Variants in NOM1 observed in about 807,000 individuals in gnomAD.
NOM1 encodes the protein nucleolar protein with MIF4G domain 1, also known as nucleolar MIF4G domain-containing protein 1.
NOM1 carries 58 observed loss-of-function variants against 73.3 expected under a neutral mutation model. The ratio of observed to expected loss-of-function variants is 0.79; its 90% CI spans 0.64 to 0.99. NOM1 has a LOEUF of 0.99. Ranked by LOEUF, NOM1 falls within the 50% of genes least tolerant of loss-of-function variation. The pLI is 0.00. For missense variants in NOM1, 1,226 were observed against 1,131.9 expected (o/e 1.08, Z -1.19); for synonymous variants, 487 against 446.8 (o/e 1.09, Z -1.14).
rs147540631 is a variant in NOM1, at chr7:156,953,456, C to T, written c.1113-647C>T. 3.1e-3 allele frequency among the ~76,000 whole-genome samples: 475 copies of T among 152,272 alleles called. 1 individual carries two copies. The highest frequency in any genetic ancestry group is 9.6e-3 in the African/African-American group (398 of 41,538). On this transcript the variant is annotated intron_variant, in intron 2 of 10. Transcript: ENST00000275820. The stretch of plus-strand genomic sequence containing the variant: ...TCTGTAGTTTTATCACATGAAGATT[C>T]GAGTCACCACCGCTGCAATTGAGAT...
chr7:156,957,342 G>A (rs899340793), intron 3 of NOM1, among the ~76,000 whole-genome samples: 4 of 152,116 alleles, frequency 2.6e-5, no homozygotes, highest in Admixed American at 6.5e-5. Context: ...CAGAGTTAAC[G>A]TACAGGATGT....
chr7:156,967,196 C>G, intron 9 of NOM1, 104 bp downstream of exon 9: 1 of 1,329,052 alleles, frequency 7.5e-7, no homozygotes, highest in Non-Finnish European at 1.0e-6. Context: ...TTCTTCGATT[C>G]TGATTCATCT....
At chr7:156,966,177 C>A in intron 7 of NOM1, 93 bp from the exon 8 acceptor site, 4 of 1,524,718 alleles carry the variant, frequency 2.6e-6, no homozygotes, top group Middle Eastern at 3.4e-4. Context: ...CTAACCAGAC[C>A]CTTCCAGGCG....
intron 7 of NOM1, among the ~76,000 whole-genome samples, chr7:156,965,331 G>A (rs189536185): frequency 6.6e-6 from 1 of 152,352 alleles, no homozygotes; most frequent in East Asian, 1.9e-4. Flanking sequence ...TTGGCATCAC[G>A]AGGGGCAAAC....
Position 156,969,608 on chromosome 7 carries a change from C to G in NOM1, c.2488C>G (p.Gln830Glu). ...CAGCCACTTCTTGCTAAAGAACGCA[C>G]AGGCCCACAGAAGCGCCGACGAAGC... ...FISHFLLKNA[Q>E]AHRSADEANV... is the part of the protein sequence containing the mutation. Residue 830 changes from glutamine (Q) to glutamate (E), a missense_variant, in exon 11 of 11, where the codon CAG (glutamine) becomes GAG (glutamate). By Grantham distance (29) the Gln-to-Glu change is conservative (BLOSUM62 2). Coordinates refer to ENST00000275820, the MANE Select transcript of NOM1 (RefSeq NM_138400.2). 1 of 1,614,082 alleles carries G rather than the reference C, an allele frequency of 6.2e-7. No homozygotes were observed. Among genetic ancestry groups the G allele is most frequent in the Non-Finnish European group, 8.5e-7 (1 of 1,179,978 alleles).
Position 156,960,195 on chromosome 7 carries a change from C to T in NOM1, c.1632+21C>T, listed in dbSNP as rs746448527. ...CCAGGGTACGCGTGCGACGCTTGATCTGCTTCCTAAGTCCCTAAAGCTCAC... is the reference window on the plus strand; with the variant it reads ...CCAGGGTACGCGTGCGACGCTTGATTTGCTTCCTAAGTCCCTAAAGCTCAC... On this transcript the variant is annotated intron_variant, in intron 4 of 10. Transcript: ENST00000275820. 12 of 1,590,412 alleles carry T rather than the reference C, an allele frequency of 7.5e-6. No homozygotes were observed. In the South Asian group the frequency reaches 1.4e-4, roughly 18 times the overall value.
At chr7:156,951,550 G>A (rs1234304383) in intron 1 of NOM1, among the ~76,000 whole-genome samples, 3 of 152,160 alleles carry the variant, frequency 2.0e-5, no homozygotes, top group Admixed American at 6.5e-5. Context: ...CTAGTTCTAT[G>A]TATGTAAATA....
Position 156,969,868 on chromosome 7 carries a change from A to G in NOM1, c.*165A>G. ...TTTGATCTAAGGTTTTATTGTTTGT[A>G]TTTCAAGCCATTTTCAAATAACTAT... On this transcript the variant is annotated 3_prime_UTR_variant, in exon 11 of 11. Coordinates refer to ENST00000275820, the MANE Select transcript of NOM1 (RefSeq NM_138400.2). The G allele has an allele frequency of 1.6e-6, 1 of 607,294 alleles. No homozygotes were observed. The highest frequency in any genetic ancestry group is 2.6e-6 in the Non-Finnish European group (1 of 391,558). 37.6% of individuals were successfully genotyped at this position (607,294 alleles called of 1,614,324 possible).
chr7:156,963,702 T>A, intron 6 of NOM1: 1 of 492,594 alleles, frequency 2.0e-6, no homozygotes, highest in Non-Finnish European at 3.6e-6. Context: ...GCCTCCCACA[T>A]GAGTGTTTTC....
chr7:156,953,112 G>GT (rs1563678238), intron 2 of NOM1, among the ~76,000 whole-genome samples: 2 of 145,930 alleles, frequency 1.4e-5, no homozygotes, highest in African/African-American at 5.2e-5. Flanking sequence ...TTCTGTGTAG[G>GT]TTTTTTTGTT....
At chr7:156,964,210 A>C in intron 7 of NOM1, 184 bp downstream of exon 7, 1 of 460,772 alleles carries the variant, frequency 2.2e-6, no homozygotes, top group South Asian at 3.4e-5. Flanking sequence ...TGTTCCTATT[A>C]ATTTGCCTCT....
chr7:156,956,153 A>G (rs1483120645), intron 3 of NOM1, among the ~76,000 whole-genome samples: 3 of 151,648 alleles, frequency 2.0e-5, no homozygotes, highest in Admixed American at 2.0e-4. Context: ...AGATCGCGTC[A>G]CTGCACTCCA....
Position 156,970,782 on chromosome 7 carries a change from G to A in NOM1, c.*1079G>A, listed in dbSNP as rs970995812. ...AAAGTCAGTCGACATAAGCCCTGTGGATATGGCCTTATGTACACTGTAATG... is the reference window on the plus strand; with the variant it reads ...AAAGTCAGTCGACATAAGCCCTGTGAATATGGCCTTATGTACACTGTAATG... On this transcript the variant is annotated 3_prime_UTR_variant, in exon 11 of 11. Coordinates refer to ENST00000275820, the MANE Select transcript of NOM1 (RefSeq NM_138400.2). 2.0e-5 allele frequency: 3 copies of A among 152,222 alleles called. No individual in the cohort carries two copies. The highest frequency in any genetic ancestry group is 7.2e-5 in the African/African-American group (3 of 41,464). The allele number at this position is 152,222 out of a possible 1,614,324, so 9.4% of individuals were successfully genotyped here.
Position 156,963,992 on chromosome 7 carries a change from G to A in NOM1, c.1999G>A (p.Glu667Lys), listed in dbSNP as rs750566378. 13 of 1,613,964 alleles carry A rather than the reference G, an allele frequency of 8.1e-6. No homozygotes were observed. Among genetic ancestry groups the A allele is most frequent in the Non-Finnish European group, 8.5e-6 (10 of 1,179,904 alleles). The change falls in exon 7 of 11, where the codon GAA (glutamate) becomes AAA (lysine). Residue 667 changes from glutamate (E) to lysine (K), a missense_variant. Glu to Lys is a moderately conservative substitution (Grantham distance 56). Coordinates refer to ENST00000275820, the MANE Select transcript of NOM1 (RefSeq NM_138400.2). ...CATATTCTGCACAATAATGACAAGT[G>A]AAGATTTTTTGGATGCTTTTGAAAA... ...RNIFCTIMTS[E>K]DFLDAFEKLL... is the part of the protein sequence containing the mutation.
At chr7:156,953,536 T>TC (rs1174879985) in intron 2 of NOM1, among the ~76,000 whole-genome samples, 4 of 152,048 alleles carry the variant, frequency 2.6e-5, no homozygotes, top group Non-Finnish European at 4.4e-5. Flanking sequence ...CCCACCCCCT[T>TC]CCCCCTTGTA....
chr7:156,954,569 G>C (rs903641720), intron 3 of NOM1, among the ~76,000 whole-genome samples: 1 of 132,844 alleles, frequency 7.5e-6, no homozygotes, highest in Non-Finnish European at 1.5e-5. Context: ...CTGTCGTCTA[G>C]GCTGGAGTGC....
intron 3 of NOM1, 60 bp downstream of exon 3, chr7:156,954,358 T>G: frequency 7.0e-7 from 1 of 1,420,192 alleles, no homozygotes; most frequent in Non-Finnish European, 9.5e-7. Flanking sequence ...ATTTTAATGA[T>G]AGGCTTGATA....
intron 3 of NOM1, among the ~76,000 whole-genome samples, chr7:156,958,451 ACT>A (rs1450621315): frequency 6.6e-6 from 1 of 151,914 alleles, no homozygotes; most frequent in Admixed American, 6.6e-5. Context: ...TGTGGGGGTC[ACT>A]CTTTGTCACC....
At position 156,962,910 on chromosome 7, in the gene NOM1, C is replaced by T. The variant is rs114778610; in HGVS notation, c.1744-98C>T. ...AGTGACCCATTCCAGTATTCATGCA[C>T]CAGAAATGTCATGGTCAAAAACAAA... On this transcript the variant is annotated intron_variant, in intron 5 of 10. Coordinates refer to ENST00000275820, the MANE Select transcript of NOM1 (RefSeq NM_138400.2). 1,713 of 1,337,474 alleles carry T rather than the reference C, an allele frequency of 1.3e-3. 14 individuals carry two copies. The African/African-American group carries it at 0.02, about 16-fold the overall frequency. The allele number at this position is 1,337,474 out of a possible 1,614,324, so 82.9% of individuals were successfully genotyped here.
Sources: gnomAD v4.1 joint callset for allele counts (sites outside exome capture counted in the v4.1 genomes callset) on GRCh38, gnomAD v4.1.1 for gene constraint, MANE v1.5 for transcripts, NCBI Gene and HGNC (gene_info 2026-07-23, HGNC 2026-07-21) for gene names.